The following IL1RAPL2 variants were observed in gnomAD, a reference collection of about 807,000 sequenced individuals.
The protein encoded by IL1RAPL2 is interleukin 1 receptor accessory protein like 2.
Under a neutral mutation model 44.1 loss-of-function variants are expected in IL1RAPL2, and 3 were observed. The observed-to-expected ratio is 0.07, with a 90% confidence interval of 0.03 to 0.18. The LOEUF (loss-of-function observed/expected upper bound fraction) is 0.18, where lower values mean the gene tolerates loss of function less well. Among genes scored for constraint, IL1RAPL2 ranks in the 10% least tolerant of loss-of-function variants. The pLI is 1.00. For missense variants in IL1RAPL2, 391 were observed against 496.4 expected, an observed-to-expected ratio of 0.79 and a Z score of 2.02; for synonymous variants, 181 against 178.8, an observed-to-expected ratio of 1.01 and a Z score of -0.10.
chrX:104,678,708 C>G (rs1377358147), intron 2 of IL1RAPL2, among the ~76,000 whole-genome samples: 2 of 111,812 alleles, frequency 1.8e-5, no homozygotes, highest in Non-Finnish European at 3.8e-5. Context: ...TTTCAGTTTA[C>G]TTAGAATTAG....
intron 1 of IL1RAPL2, among the ~76,000 whole-genome samples, chrX:104,639,029 G>T (rs935665132): frequency 8.9e-6 from 1 of 112,042 alleles, no homozygotes; most frequent in Non-Finnish European, 1.9e-5. Flanking sequence ...ATGAATCTGG[G>T]TACCCCAATG....
At chrX:105,198,356 A>G (rs1228366815) in intron 3 of IL1RAPL2, among the ~76,000 whole-genome samples, 1 of 111,864 alleles carries the variant, frequency 8.9e-6, no homozygotes, top group African/African-American at 3.2e-5. Context: ...TCATTTCCCT[A>G]TTGATGAGTA....
In IL1RAPL2 at chrX:104,961,184, G is replaced by A. The variant is rs943912481; in HGVS notation, c.83-234291G>A. 7.5e-4 allele frequency among the ~76,000 whole-genome samples: 84 copies of A among 111,275 alleles called. 3 individuals carry two copies. The highest frequency in any genetic ancestry group is 2.8e-4 in the Non-Finnish European group (15 of 53,054). On this transcript the variant is annotated intron_variant, in intron 2 of 10. Coordinates refer to ENST00000372582, the MANE Select transcript of IL1RAPL2 (RefSeq NM_017416.2). ...CTATAGTAAAAATCAAAGCAATCCC[G>A]GGGCCTCTGGCACATCCTTCTGCCT...
chrX:105,511,881 A>G (rs895985333), intron 6 of IL1RAPL2, among the ~76,000 whole-genome samples: 1 of 111,349 alleles, frequency 9.0e-6, no homozygotes, highest in Non-Finnish European at 1.9e-5. Flanking sequence ...TTTTAAATTG[A>G]ACACCTCTCT....
At chrX:105,406,270 T>C (rs2035643626) in intron 5 of IL1RAPL2, 1 of 1,059,703 alleles carries the variant, frequency 9.4e-7, no homozygotes, top group African/African-American at 1.9e-5. Context: ...ATAAGCAATA[T>C]CATAGAGGCG....
At chrX:105,448,211 G>A (rs1353481410) in intron 5 of IL1RAPL2, among the ~76,000 whole-genome samples, 1 of 108,444 alleles carries the variant, frequency 9.2e-6, no homozygotes, top group Non-Finnish European at 1.9e-5. Context: ...AATTCCTGAG[G>A]TAGACATCTT....
intron 2 of IL1RAPL2, among the ~76,000 whole-genome samples, chrX:105,027,463 ACAACT>A (rs1250175235): frequency 9.0e-6 from 1 of 110,770 alleles, no homozygotes; most frequent in Non-Finnish European, 1.9e-5. Context: ...AGGATTTCAA[ACAACT>A]CTATAGGGAA....
At chrX:105,517,280 C>G (rs1424994974) in intron 6 of IL1RAPL2, among the ~76,000 whole-genome samples, 1 of 111,539 alleles carries the variant, frequency 9.0e-6, no homozygotes, top group Non-Finnish European at 1.9e-5. Flanking sequence ...AGATATGCTA[C>G]TGTAAACACA....
At chrX:104,789,255 A>G (rs371563186) in intron 2 of IL1RAPL2, among the ~76,000 whole-genome samples, 4 of 111,940 alleles carry the variant, frequency 3.6e-5, no homozygotes, top group African/African-American at 1.3e-4. Context: ...TAGTGAGCAT[A>G]GTATCCAATA....
intron 4 of IL1RAPL2, among the ~76,000 whole-genome samples, chrX:105,264,947 T>C (rs774016055): frequency 1.8e-5 from 2 of 111,998 alleles, no homozygotes; most frequent in East Asian, 5.6e-4. Flanking sequence ...TAAGGCTAGA[T>C]GGCAGCTTGG....
intron 6 of IL1RAPL2, among the ~76,000 whole-genome samples, chrX:105,626,277 T>C (rs892530004): frequency 9.0e-6 from 1 of 111,633 alleles, no homozygotes; most frequent in African/African-American, 3.3e-5. Context: ...CAGGAAGGTA[T>C]GTTTGGAAAG....
At chrX:104,577,625 ATAAT>A (rs962952172) in intron 1 of IL1RAPL2, among the ~76,000 whole-genome samples, 2 of 111,387 alleles carry the variant, frequency 1.8e-5, no homozygotes, top group African/African-American at 6.5e-5. Context: ...TCGGGGACTG[ATAAT>A]TAAGGTAAAA....
At chrX:105,459,731 G>T (rs2036080165) in intron 5 of IL1RAPL2, among the ~76,000 whole-genome samples, 1 of 111,718 alleles carries the variant, frequency 9.0e-6, no homozygotes, top group Admixed American at 9.5e-5. Flanking sequence ...GCATGTGTGT[G>T]AGAATATGTT....
chrX:105,483,470 T>C (rs924604229), intron 5 of IL1RAPL2, among the ~76,000 whole-genome samples: 18 of 111,786 alleles, frequency 1.6e-4, no homozygotes, highest in Non-Finnish European at 2.6e-4. Flanking sequence ...TTGAGAATCT[T>C]CTGAGAATCT....
intron 3 of IL1RAPL2, among the ~76,000 whole-genome samples, chrX:105,199,988 A>G (rs1185289718): frequency 9.0e-6 from 1 of 111,635 alleles, no homozygotes; most frequent in Non-Finnish European, 1.9e-5. Context: ...CATATCTAGT[A>G]GTGGCCACTG....
intron 5 of IL1RAPL2, among the ~76,000 whole-genome samples, chrX:105,391,401 C>T (rs1023189928): frequency 9.4e-6 from 1 of 106,652 alleles, no homozygotes; most frequent in Non-Finnish European, 1.9e-5. Flanking sequence ...AAAATGCTCA[C>T]CATCACTGGC....
At chrX:105,164,191 C>G (rs1012904849) in intron 2 of IL1RAPL2, among the ~76,000 whole-genome samples, 2 of 110,889 alleles carry the variant, frequency 1.8e-5, no homozygotes, top group African/African-American at 6.6e-5. Context: ...GTCTCAGAAG[C>G]AGTGATTTGA....
chrX:104,783,220 T>C (rs1288374472), intron 2 of IL1RAPL2, among the ~76,000 whole-genome samples: 3 of 111,688 alleles, frequency 2.7e-5, no homozygotes, highest in Non-Finnish European at 5.6e-5. Flanking sequence ...TGTAATCTGA[T>C]AGGAGGAGAA....
chrX:105,409,591 G>A (rs1165299372), intron 5 of IL1RAPL2, among the ~76,000 whole-genome samples: 2 of 111,304 alleles, frequency 1.8e-5, no homozygotes, highest in Non-Finnish European at 3.8e-5. Context: ...CAGGTAGTAA[G>A]GGAAAGCAGA....
Sources: allele counts gnomAD v4.1 joint callset (sites outside exome capture counted in the v4.1 genomes callset), GRCh38; gene constraint gnomAD v4.1.1; transcripts MANE v1.5; gene names NCBI Gene and HGNC (gene_info 2026-07-23, HGNC 2026-07-21).